The following CD99L2 variants were observed in gnomAD, a reference collection of about 807,000 sequenced individuals.
The protein encoded by CD99L2 is CD99 antigen-like protein 2.
A neutral mutation model predicts 27.3 loss-of-function variants in CD99L2; 24 were observed. The ratio of observed to expected loss-of-function variants is 0.88; its 90% CI spans 0.64 to 1.24. The LOEUF is 1.24. Among genes scored for constraint, CD99L2 ranks in the 50% most tolerant of loss-of-function variants. CD99L2 has a pLI of 0.00. For missense variants in CD99L2, 255 were observed against 221.6 expected, an observed-to-expected ratio of 1.15 and a Z score of -0.96; for synonymous variants, 97 against 87.9, an observed-to-expected ratio of 1.10 and a Z score of -0.58.
At chrX:150,855,693 T>C (rs922774706) in intron 1 of CD99L2, among the ~76,000 whole-genome samples, 3 of 110,881 alleles carry the variant, frequency 2.7e-5, no homozygotes, top group Admixed American at 9.6e-5. Context: ...GAGCAAAAGA[T>C]AGAGGCACAC....
intron 7 of CD99L2, among the ~76,000 whole-genome samples, chrX:150,792,364 A>G (rs2045703978): frequency 8.9e-6 from 1 of 112,117 alleles, no homozygotes; most frequent in Non-Finnish European, 1.9e-5. Flanking sequence ...ATCTGGAAAT[A>G]CCACTTATCA....
chrX:150,812,821 T>A (rs2046092119), intron 4 of CD99L2, among the ~76,000 whole-genome samples: 1 of 112,150 alleles, frequency 8.9e-6, no homozygotes, highest in South Asian at 3.7e-4. Context: ...CTGTGGTACA[T>A]CCATCCCATG....
intron 4 of CD99L2, among the ~76,000 whole-genome samples, chrX:150,802,049 T>G (rs1449682311): frequency 8.9e-6 from 1 of 111,853 alleles, no homozygotes; most frequent in Admixed American, 9.5e-5. Flanking sequence ...ATGTCTAGCA[T>G]TGCAATATGA....
intron 1 of CD99L2, among the ~76,000 whole-genome samples, chrX:150,834,132 A>C (rs2046489207): frequency 3.6e-5 from 4 of 112,230 alleles, no homozygotes; most frequent in Admixed American, 9.5e-5. Context: ...AAAAGAAGAG[A>C]TATGAATGGT....
At position 150,768,336 on chromosome X, in the gene CD99L2, A is replaced by G. The variant is rs1557418776; in HGVS notation, c.*698T>C. The G allele has an allele frequency of 8.9e-6, 1 of 112,596 alleles. No homozygotes were observed. Among genetic ancestry groups the G allele is most frequent in the African/African-American group, 3.2e-5 (1 of 30,927 alleles). The allele number at this position is 112,596 out of a possible 1,213,427, so 9.3% of individuals were successfully genotyped here. On this transcript the variant is annotated 3_prime_UTR_variant, in exon 11 of 11. Coordinates refer to ENST00000370377, the MANE Select transcript of CD99L2 (RefSeq NM_031462.4). ...GAAACAGGCCTACGAATTGCTTCATACTTATCCGGAAGATTCCTAAGCTCT... is the reference window on the plus strand; with the variant it reads ...GAAACAGGCCTACGAATTGCTTCATGCTTATCCGGAAGATTCCTAAGCTCT...
At chrX:150,883,279 T>C (rs1278883739) in intron 1 of CD99L2, among the ~76,000 whole-genome samples, 1 of 112,248 alleles carries the variant, frequency 8.9e-6, no homozygotes, top group Non-Finnish European at 1.9e-5. Flanking sequence ...TAGGAGTCCA[T>C]GCACATGCAG....
At chrX:150,898,425 C>G in intron 1 of CD99L2, 97 bp downstream of exon 1, 2 of 705,097 alleles carry the variant, frequency 2.8e-6, no homozygotes, top group African/African-American at 2.3e-5. Context: ...ACCGCAGGCC[C>G]GAGAGGCGGG....
At chrX:150,792,683 C>T (rs1188951807) in intron 7 of CD99L2, among the ~76,000 whole-genome samples, 1 of 112,002 alleles carries the variant, frequency 8.9e-6, no homozygotes, top group African/African-American at 3.3e-5. Context: ...CCGGGTGTAA[C>T]AGCAATTTGC....
intron 2 of CD99L2, among the ~76,000 whole-genome samples, chrX:150,817,343 A>T (rs1277820658): frequency 1.8e-5 from 2 of 111,075 alleles, no homozygotes; most frequent in African/African-American, 6.5e-5. Flanking sequence ...TTGACGATTT[A>T]AAAAAAATTA....
At position 150,824,707 on chromosome X, in the gene CD99L2, G is replaced by GAA. The variant is rs2046343166; in HGVS notation, c.130+6523_130+6524insTT. ...AAGAAGAGGAAGAGGAAGAGGAAGA[G>GAA]GAAGAAGAAGAAGAAGAAGAAGAAA... On this transcript the variant is annotated intron_variant, in intron 2 of 10. Transcript: ENST00000370377. 1.6e-4 allele frequency among the ~76,000 whole-genome samples: 15 copies of GAA among 93,658 alleles called. No homozygotes were observed. The East Asian group carries it at 1.7e-3, about 10-fold the overall frequency. The allele number at this position is 93,658 out of a possible 115,157, so 81.3% of individuals were successfully genotyped here. A position where few individuals can be genotyped will look rare whatever the true frequency, so the allele number is the denominator to read the frequency against.
chrX:150,788,727 C>T (rs954720538), intron 7 of CD99L2, among the ~76,000 whole-genome samples: 3 of 111,670 alleles, frequency 2.7e-5, no homozygotes, highest in African/African-American at 9.8e-5. Flanking sequence ...TTTTTCCCTT[C>T]CCTAAGTCTG....
intron 1 of CD99L2, among the ~76,000 whole-genome samples, chrX:150,858,832 G>A (rs1429654546): frequency 9.0e-6 from 1 of 111,219 alleles, no homozygotes; most frequent in Non-Finnish European, 1.9e-5. Flanking sequence ...TAGAAGGAAA[G>A]AAAGAAAGAT....
intron 1 of CD99L2, among the ~76,000 whole-genome samples, chrX:150,875,898 G>T (rs977494522): frequency 8.9e-6 from 1 of 112,250 alleles, no homozygotes; most frequent in Non-Finnish European, 1.9e-5. Flanking sequence ...ACGTGGAATT[G>T]TAAGTCCATT....
intron 1 of CD99L2, among the ~76,000 whole-genome samples, chrX:150,859,499 CT>C (rs111395631): frequency 0.24 from 23,539 of 96,677 alleles, 2,572 homozygotes; most frequent in Middle Eastern, 0.32. Flanking sequence ...AACTCTGTCT[CT>C]TTTTTTTTTT....
At chrX:150,815,655 C>A (rs1262811416) in intron 3 of CD99L2, among the ~76,000 whole-genome samples, 2 of 112,285 alleles carry the variant, frequency 1.8e-5, no homozygotes, top group African/African-American at 6.5e-5. Context: ...AAAATAAATG[C>A]CATTCCAAAA....
At chrX:150,883,211 A>C (rs929964885) in intron 1 of CD99L2, among the ~76,000 whole-genome samples, 1 of 111,684 alleles carries the variant, frequency 9.0e-6, no homozygotes. Context: ...CAAAAACAAA[A>C]CAAACAAACA....
chrX:150,811,591 G>T (rs1557420357), intron 4 of CD99L2, among the ~76,000 whole-genome samples: 1 of 111,317 alleles, frequency 9.0e-6, no homozygotes, highest in African/African-American at 3.3e-5. Context: ...ACCAGACAAA[G>T]ACATCACAAG....
At chrX:150,833,498 A>C (rs1557421119) in intron 1 of CD99L2, among the ~76,000 whole-genome samples, 5 of 112,031 alleles carry the variant, frequency 4.5e-5, no homozygotes, top group African/African-American at 1.6e-4. Flanking sequence ...CAATAGCCAA[A>C]GCAATCTTGA....
intron 1 of CD99L2, among the ~76,000 whole-genome samples, chrX:150,873,093 G>A (rs782634531): frequency 1.8e-5 from 2 of 112,298 alleles, no homozygotes; most frequent in African/African-American, 6.5e-5. Flanking sequence ...GGTTACCGAC[G>A]AGCATGAACA....
Sources: gnomAD v4.1 joint callset for allele counts (sites outside exome capture counted in the v4.1 genomes callset) on GRCh38, gnomAD v4.1.1 for gene constraint, MANE v1.5 for transcripts, NCBI Gene and HGNC (gene_info 2026-07-23, HGNC 2026-07-21) for gene names.